MDM2: variants seen among roughly 807,000 people sequenced by gnomAD.
MDM2 encodes E3 ubiquitin-protein ligase Mdm2.
Under a neutral mutation model 64.3 loss-of-function variants are expected in MDM2, and 11 were observed. The observed-to-expected ratio is 0.17, with a 90% confidence interval of 0.11 to 0.28. MDM2 has a LOEUF of 0.28. Ranked by LOEUF, MDM2 falls within the 10% of genes least tolerant of loss-of-function variation. The pLI is 1.00. For missense variants in MDM2, 388 were observed against 577.1 expected (o/e 0.67, Z 3.36); for synonymous variants, 194 against 192.9 (o/e 1.01, Z -0.05).
At chr12:68,837,691 G>C (rs1883418308) in intron 10 of MDM2, among the ~76,000 whole-genome samples, 1 of 152,162 alleles carries the variant, frequency 6.6e-6, no homozygotes, top group East Asian at 1.9e-4. Flanking sequence ...TTGTATTATA[G>C]AATGTGGTAG....
chr12:68,849,931 G>A (rs758150375), downstream of MDM2: 1 of 152,174 alleles, frequency 6.6e-6, no homozygotes, highest in Non-Finnish European at 1.5e-5. Flanking sequence ...ACAGCGCTGA[G>A]AGACCACTCC....
Position 68,808,311 on chromosome 12 carries a change from G to C in MDM2, c.-167G>C. The C allele has an allele frequency of 1.2e-6, 1 of 827,990 alleles. No homozygotes were observed. The highest frequency in any genetic ancestry group is 1.9e-6 in the Non-Finnish European group (1 of 521,844). The allele number at this position is 827,990 out of a possible 1,614,324, so 51.3% of individuals were successfully genotyped here. A position where few individuals can be genotyped will look rare whatever the true frequency, so the allele number is the denominator to read the frequency against. ...CTCTGACCGAGATCCTGCTGCTTTC[G>C]CAGCCAGGAGCACCGTCCCTCCCCG... On this transcript the variant is annotated 5_prime_UTR_variant, in exon 1 of 11. Transcript: ENST00000258149.
intron 8 of MDM2, among the ~76,000 whole-genome samples, chr12:68,834,427 G>A (rs1482182772): frequency 6.6e-6 from 1 of 150,714 alleles, no homozygotes; most frequent in Non-Finnish European, 1.5e-5. Flanking sequence ...GGGTGACAGA[G>A]CAAGACTCTT....
chr12:68,833,444 A>G (rs941675332), intron 8 of MDM2, among the ~76,000 whole-genome samples: 2 of 142,890 alleles, frequency 1.4e-5, no homozygotes, highest in South Asian at 4.2e-4. Flanking sequence ...ATATTTTAAA[A>G]ATATATATAG....
chr12:68,836,864 G>A (rs1204511198), intron 10 of MDM2, 115 bp downstream of exon 10: 16 of 611,156 alleles, frequency 2.6e-5, no homozygotes, highest in Non-Finnish European at 4.2e-5. Flanking sequence ...AAATGTTTTT[G>A]TAAAGTCTGA....
At chr12:68,833,312 A>ATATGTATATTT (rs1555187833) in intron 8 of MDM2, among the ~76,000 whole-genome samples, 20 of 62,050 alleles carry the variant, frequency 3.2e-4, no homozygotes, top group Non-Finnish European at 5.4e-4. Flanking sequence ...TAAATATAAA[A>ATATGTATATTT]ATATAATTAT....
In MDM2 at chr12:68,839,604, G is replaced by A. The variant is rs1404470503; in HGVS notation, c.1249G>A (p.Val417Met). Reference sequence around the variant, plus strand: ...CATTATTTATAGCAGCCAAGAAGATGTGAAAGAGTTTGAAAGGGAAGAAAC... The same window carrying A: ...CATTATTTATAGCAGCCAAGAAGATATGAAAGAGTTTGAAAGGGAAGAAAC... Reference protein sequence around the residue: ...SSIIYSSQEDVKEFEREETQD... With the variant: ...SSIIYSSQEDMKEFEREETQD... The change falls in exon 11 of 11, where the codon GTG (valine) becomes ATG (methionine). Residue 417 changes from valine to methionine, a missense_variant. This residue lies in a region of MDM2 where 138 missense variants were observed against 143.7 expected (regional missense o/e 0.96). Coordinates refer to ENST00000258149, the MANE Select transcript of MDM2 (RefSeq NM_002392.6). 2 of 1,613,626 alleles carry A rather than the reference G, an allele frequency of 1.2e-6. No individual in the cohort carries two copies. The highest frequency in any genetic ancestry group is 2.7e-5 in the African/African-American group (2 of 74,790).
chr12:68,845,870 C>A, downstream of MDM2: 1 of 152,484 alleles, frequency 6.6e-6, no homozygotes, highest in Non-Finnish European at 1.5e-5. Context: ...CTCAAGCAAT[C>A]CTCCCACCTC....
In MDM2 at chr12:68,841,665, C is replaced by G. The variant is rs1214117846; in HGVS notation, c.*1816C>G. The G allele has an allele frequency of 9.6e-6, 2 of 209,270 alleles. No individual in the cohort carries two copies. The highest frequency in any genetic ancestry group is 5.9e-5 in the Admixed American group (1 of 16,966). 13.0% of individuals were successfully genotyped at this position (209,270 alleles called of 1,614,324 possible). ...CCTTCTTGGCCTGGGTTACATGGTTCCCAGCCTAGGTTTCAGACTTTTGCT... is the reference window on the plus strand; with the variant it reads ...CCTTCTTGGCCTGGGTTACATGGTTGCCAGCCTAGGTTTCAGACTTTTGCT... On this transcript the variant is annotated 3_prime_UTR_variant, in exon 11 of 11. Coordinates refer to ENST00000258149, the MANE Select transcript of MDM2 (RefSeq NM_002392.6).
chr12:68,811,427 A>G (rs1448440407), intron 2 of MDM2, among the ~76,000 whole-genome samples: 1 of 152,028 alleles, frequency 6.6e-6, no homozygotes, highest in Non-Finnish European at 1.5e-5. Flanking sequence ...GATCTTGCAA[A>G]TATATTCCTA....
In MDM2 at chr12:68,824,231, A is replaced by G. The variant is rs982597610; in HGVS notation, c.359-132A>G. ...TTAGTATGAGGATGCCACCTGGAAAATACATGTTTAATGTTTATTGAAAGG... is the reference window on the plus strand; with the variant it reads ...TTAGTATGAGGATGCCACCTGGAAAGTACATGTTTAATGTTTATTGAAAGG... On this transcript the variant is annotated intron_variant, in intron 5 of 10. Transcript: ENST00000258149. 19 of 605,064 alleles carry G rather than the reference A, an allele frequency of 3.1e-5. No homozygotes were observed. In the African/African-American group the frequency reaches 3.5e-4, roughly 11 times the overall value. The allele number at this position is 605,064 out of a possible 1,614,324, so 37.5% of individuals were successfully genotyped here. A position where few individuals can be genotyped will look rare whatever the true frequency, so the allele number is the denominator to read the frequency against.
intron 9 of MDM2, 74 bp downstream of exon 9, chr12:68,836,058 G>A: frequency 1.6e-6 from 2 of 1,254,188 alleles, no homozygotes; most frequent in African/African-American, 1.5e-5. Flanking sequence ...CTTTGAGATT[G>A]AAATAATATT....
At chr12:68,830,154 AC>A (rs1317457099) in intron 8 of MDM2, among the ~76,000 whole-genome samples, 1 of 152,158 alleles carries the variant, frequency 6.6e-6, no homozygotes, top group African/African-American at 2.4e-5. Context: ...GCCCACGGAA[AC>A]CAAAGGATTG....
intron 8 of MDM2, among the ~76,000 whole-genome samples, chr12:68,830,699 A>G (rs777617634): frequency 1.3e-5 from 2 of 152,092 alleles, no homozygotes; most frequent in Admixed American, 1.3e-4. Flanking sequence ...GAGAATTATT[A>G]TACCCTATTT....
chr12:68,817,701 G>A (rs1351619484), intron 4 of MDM2, among the ~76,000 whole-genome samples: 1 of 152,044 alleles, frequency 6.6e-6, no homozygotes, highest in Non-Finnish European at 1.5e-5. Context: ...GTTGAGGTGA[G>A]CCGAGATTGC....
Position 68,842,065 on chromosome 12 carries a change from T to G in MDM2, c.*2216T>G. ...GAAGTGCAATTCTCAAAAGGTTAGG[T>G]GGACTAAAGCATTCTGTAAAGCAAC... On this transcript the variant is annotated 3_prime_UTR_variant, in exon 11 of 11. Coordinates refer to ENST00000258149, the MANE Select transcript of MDM2 (RefSeq NM_002392.6). 1 of 406,692 alleles carries G rather than the reference T, an allele frequency of 2.5e-6. No individual in the cohort carries two copies. The highest frequency in any genetic ancestry group is 3.6e-5 in the Admixed American group (1 of 28,092). The allele number at this position is 406,692 out of a possible 1,614,324, so 25.2% of individuals were successfully genotyped here.
Position 68,835,832 on chromosome 12 carries a change from C to G in MDM2, c.688C>G (p.Leu230Val), listed in dbSNP as rs758413036. The change falls in exon 9 of 11, where the codon CTT becomes GTT. Residue 230 changes from leucine to valine, a missense_variant. By Grantham distance (32) the Leu-to-Val change is conservative (BLOSUM62 1). Around this residue, in one of 5 missense-constraint regions of MDM2, gnomAD observed 168 missense variants for 236.6 expected, o/e 0.71. Coordinates refer to ENST00000258149, the MANE Select transcript of MDM2 (RefSeq NM_002392.6). ...ATATATTTTTTTCTTGTTTTAGGAT[C>G]TTGATGCTGGTGTAAGTGAACATTC... ...ESTGTPSNPD[L>V]DAGVSEHSGD... is the part of the protein sequence containing the mutation. The G allele has an allele frequency of 3.1e-6, 5 of 1,610,694 alleles. No homozygotes were observed. In the South Asian group the frequency reaches 4.4e-5, roughly 14 times the overall value.
intron 3 of MDM2, among the ~76,000 whole-genome samples, chr12:68,814,156 C>T (rs964543542): frequency 2.0e-5 from 3 of 152,174 alleles, no homozygotes; most frequent in South Asian, 2.1e-4. Flanking sequence ...AGATTCAAGC[C>T]CTTCTTCTGC....
intron 8 of MDM2, among the ~76,000 whole-genome samples, chr12:68,830,806 T>G (rs1402354206): frequency 7.9e-5 from 12 of 152,146 alleles, no homozygotes; most frequent in Admixed American, 7.9e-4. Context: ...GTTCAGGCGA[T>G]TCTCATGTCT....
Sources: gnomAD v4.1 joint callset for allele counts (sites outside exome capture counted in the v4.1 genomes callset) on GRCh38, gnomAD v4.1.1 for gene constraint, gnomAD v4.1.1 regional missense constraint, MANE v1.5 for transcripts, NCBI Gene and HGNC (gene_info 2026-07-23, HGNC 2026-07-21) for gene names.